Variants in DKK2 observed in about 807,000 individuals in gnomAD.
DKK2 encodes dickkopf-related protein 2.
A neutral mutation model predicts 28.1 loss-of-function variants in DKK2; 11 were observed. That is an observed-to-expected ratio of 0.39 (90% CI 0.25 to 0.65). The LOEUF is 0.65. Ranked by LOEUF, DKK2 falls within the 30% of genes least tolerant of loss-of-function variation. The pLI is 0.47. For missense variants in DKK2, 326 were observed against 335.5 expected (o/e 0.97, Z 0.22); for synonymous variants, 135 against 126.5 (o/e 1.07, Z -0.45).
intron 1 of DKK2, among the ~76,000 whole-genome samples, chr4:106,956,930 C>T (rs985976173): frequency 6.6e-6 from 1 of 151,118 alleles, no homozygotes; most frequent in Non-Finnish European, 1.5e-5. Flanking sequence ...AGAGCTTCTG[C>T]ACAGCAAAAG....
intron 1 of DKK2, among the ~76,000 whole-genome samples, chr4:106,947,318 C>T (rs1189971353): frequency 3.9e-5 from 6 of 152,072 alleles, no homozygotes; most frequent in African/African-American, 1.2e-4. Context: ...ACATCAGCAG[C>T]CTATGCTCCT....
chr4:106,983,206 T>C (rs1356544073), intron 1 of DKK2, among the ~76,000 whole-genome samples: 2 of 151,512 alleles, frequency 1.3e-5, no homozygotes, highest in Admixed American at 1.3e-4. Flanking sequence ...GGTGAATCAA[T>C]AAAATATTGT....
chr4:106,976,238 T>C (rs535743421), intron 1 of DKK2, among the ~76,000 whole-genome samples: 7 of 152,340 alleles, frequency 4.6e-5, no homozygotes, highest in African/African-American at 1.7e-4. Flanking sequence ...TGGAGAGTTC[T>C]GTAGATGTCT....
chr4:106,952,977 A>G (rs1722503539), intron 1 of DKK2, among the ~76,000 whole-genome samples: 1 of 152,194 alleles, frequency 6.6e-6, no homozygotes, highest in African/African-American at 2.4e-5. Context: ...ACTTAAACAA[A>G]GTACTTTCAA....
At chr4:106,935,970 C>T (rs929951858) in intron 1 of DKK2, among the ~76,000 whole-genome samples, 1 of 152,068 alleles carries the variant, frequency 6.6e-6, no homozygotes, top group Non-Finnish European at 1.5e-5. Flanking sequence ...ATCTGTACAT[C>T]ACCATCATCA....
At chr4:107,005,353 A>C (rs976371883) in intron 1 of DKK2, among the ~76,000 whole-genome samples, 5 of 151,574 alleles carry the variant, frequency 3.3e-5, no homozygotes, top group Admixed American at 6.6e-5. Flanking sequence ...AAAAAAAAAA[A>C]AAAAAAAACA....
At chr4:107,002,665 A>T (rs914487690) in intron 1 of DKK2, among the ~76,000 whole-genome samples, 1 of 152,224 alleles carries the variant, frequency 6.6e-6, no homozygotes, top group Non-Finnish European at 1.5e-5. Context: ...TGGCCTAAGA[A>T]TGAGAAACTG....
intron 1 of DKK2, among the ~76,000 whole-genome samples, chr4:107,026,620 C>T (rs369908469): frequency 9.9e-5 from 15 of 152,194 alleles, no homozygotes; most frequent in East Asian, 9.6e-4. Context: ...TTTCGGCACC[C>T]GTGAGTGATG....
At chr4:106,972,439 T>G (rs1396663261) in intron 1 of DKK2, among the ~76,000 whole-genome samples, 4 of 151,346 alleles carry the variant, frequency 2.6e-5, no homozygotes, top group African/African-American at 9.7e-5. Flanking sequence ...AAAAAAAGAC[T>G]TTGTTTCTTG....
intron 1 of DKK2, among the ~76,000 whole-genome samples, chr4:106,929,713 A>T (rs1415656473): frequency 2.0e-5 from 3 of 152,224 alleles, no homozygotes; most frequent in Non-Finnish European, 4.4e-5. Context: ...CATTTTGAAA[A>T]TAAAATCTAT....
intron 1 of DKK2, among the ~76,000 whole-genome samples, chr4:107,023,979 T>C (rs551757765): frequency 1.3e-5 from 2 of 152,290 alleles, no homozygotes; most frequent in South Asian, 4.1e-4. Context: ...AATATAATAA[T>C]GTGTTTTCAA....
At chr4:106,982,662 T>C (rs898321511) in intron 1 of DKK2, among the ~76,000 whole-genome samples, 4 of 151,964 alleles carry the variant, frequency 2.6e-5, no homozygotes, top group African/African-American at 9.7e-5. Flanking sequence ...AGCACAAAGG[T>C]GTCAAACCTA....
chr4:106,924,705 A>C lies in DKK2; in HGVS notation c.374-5T>G. The C allele has an allele frequency of 6.2e-7, 1 of 1,612,362 alleles. No homozygotes were observed. Among genetic ancestry groups the C allele is most frequent in the Non-Finnish European group, 8.5e-7 (1 of 1,179,086 alleles). ...CAGTAACTGGGATACAGATGCCTGG[A>C]GATGATCATATAATCAGTTAGACTA... On this transcript the variant is annotated splice_region_variant and splice_polypyrimidine_tract_variant and intron_variant, in intron 2 of 3. Coordinates refer to ENST00000285311, the MANE Select transcript of DKK2 (RefSeq NM_014421.3).
In DKK2 at chr4:106,985,815, C is replaced by CA. The variant is rs112120001; in HGVS notation, c.222+49554dup. ...TGGATGACAGAGCGAGACTCCGTCT[C>CA]AAAAAAAAAAAAAAGAAAAAAGAAA... On this transcript the variant is annotated intron_variant, in intron 1 of 3. Coordinates refer to ENST00000285311, the MANE Select transcript of DKK2 (RefSeq NM_014421.3). Among the ~76,000 whole-genome samples, 449 of 78,850 alleles carry CA rather than the reference C, an allele frequency of 5.7e-3. 3 individuals carry two copies. Among genetic ancestry groups the CA allele is most frequent in the East Asian group, 0.026 (91 of 3,492 alleles). 51.7% of individuals were successfully genotyped at this position (78,850 alleles called of 152,430 possible).
At chr4:106,950,447 C>T (rs1417449119) in intron 1 of DKK2, among the ~76,000 whole-genome samples, 1 of 152,154 alleles carries the variant, frequency 6.6e-6, no homozygotes, top group Non-Finnish European at 1.5e-5. Context: ...CACAGCAGCC[C>T]TACTGCACCT....
At chr4:107,034,621 G>A (rs997718455) in intron 1 of DKK2, among the ~76,000 whole-genome samples, 2 of 152,178 alleles carry the variant, frequency 1.3e-5, no homozygotes, top group Admixed American at 1.3e-4. Flanking sequence ...CGCCTACGAC[G>A]CTGTCATTGT....
At chr4:106,989,064 T>C (rs1723167017) in intron 1 of DKK2, among the ~76,000 whole-genome samples, 2 of 152,284 alleles carry the variant, frequency 1.3e-5, no homozygotes, top group South Asian at 2.1e-4. Flanking sequence ...TGACAAGCAC[T>C]TGGAAGCAAT....
At chr4:107,003,781 C>T (rs933951132) in intron 1 of DKK2, among the ~76,000 whole-genome samples, 9 of 152,148 alleles carry the variant, frequency 5.9e-5, no homozygotes, top group Non-Finnish European at 1.0e-4. Flanking sequence ...TCACATAGGA[C>T]CTTATTAAAA....
At chr4:106,941,026 G>T (rs557455136) in intron 1 of DKK2, among the ~76,000 whole-genome samples, 54 of 151,770 alleles carry the variant, frequency 3.6e-4, no homozygotes, top group Non-Finnish European at 5.3e-4. Flanking sequence ...AGTTAGTGGG[G>T]GCAGCGCACC....
Sources: gnomAD v4.1 joint callset for allele counts (sites outside exome capture counted in the v4.1 genomes callset) on GRCh38, gnomAD v4.1.1 for gene constraint, MANE v1.5 for transcripts, NCBI Gene and HGNC (gene_info 2026-07-23, HGNC 2026-07-21) for gene names.